SLIT2: variants seen among roughly 807,000 people sequenced by gnomAD.
The protein encoded by SLIT2 is slit guidance ligand 2, also known as slit homolog 2 protein.
A neutral mutation model predicts 185.7 loss-of-function variants in SLIT2; 41 were observed. The observed-to-expected ratio is 0.22, with a 90% CI of 0.17 to 0.29. The LOEUF is 0.29. Ranked by LOEUF, SLIT2 falls within the 10% of genes least tolerant of loss-of-function variation. The pLI is 1.00. For synonymous variants in SLIT2, 693 were observed against 680.2 expected (o/e 1.02, Z -0.29); for missense variants, 1,571 against 1,909.0 (o/e 0.82, Z 3.30).
chr4:20,264,561 T>C (rs1295098523), intron 3 of SLIT2, among the ~76,000 whole-genome samples: 1 of 151,856 alleles, frequency 6.6e-6, no homozygotes, highest in Admixed American at 6.6e-5. Context: ...GACTATGACC[T>C]CTGCTAAAGG....
At chr4:20,536,539 CA>C (rs1722300979) in intron 18 of SLIT2, among the ~76,000 whole-genome samples, 1 of 101,670 alleles carries the variant, frequency 9.8e-6, no homozygotes. Flanking sequence ...GCCTGGGTGA[CA>C]AGAGTGAAAC....
At chr4:20,307,948 A>G (rs1258187618) in intron 4 of SLIT2, among the ~76,000 whole-genome samples, 2 of 152,196 alleles carry the variant, frequency 1.3e-5, no homozygotes. Context: ...TTGGTGCTAC[A>G]CATTGCTTTA....
intron 6 of SLIT2, among the ~76,000 whole-genome samples, chr4:20,483,736 G>A (rs1469907219): frequency 6.6e-6 from 1 of 151,942 alleles, no homozygotes; most frequent in Non-Finnish European, 1.5e-5. Flanking sequence ...GATGTCTTTT[G>A]TATTAGAATA....
At chr4:20,301,343 T>G (rs1314372341) in intron 4 of SLIT2, among the ~76,000 whole-genome samples, 4 of 152,172 alleles carry the variant, frequency 2.6e-5, no homozygotes, top group African/African-American at 9.6e-5. Context: ...TGTCTCTTTT[T>G]TGCAATGCTG....
intron 9 of SLIT2, among the ~76,000 whole-genome samples, chr4:20,494,777 CAA>C (rs529308309): frequency 1.2e-4 from 12 of 98,320 alleles, no homozygotes; most frequent in Admixed American, 3.3e-4. Context: ...GACTCCGTCT[CAA>C]AAAAAAAAAA....
At chr4:20,349,770 A>T (rs1012565004) in intron 4 of SLIT2, among the ~76,000 whole-genome samples, 1 of 152,194 alleles carries the variant, frequency 6.6e-6, no homozygotes, top group Non-Finnish European at 1.5e-5. Context: ...CTATGGGTTC[A>T]GTTCTGATAA....
At chr4:20,448,131 A>G (rs1196152980) in intron 4 of SLIT2, among the ~76,000 whole-genome samples, 4 of 152,174 alleles carry the variant, frequency 2.6e-5, no homozygotes, top group South Asian at 2.1e-4. Context: ...TTTTTGAAAC[A>G]CTTAAGGAAT....
At chr4:20,460,024 C>T (rs190702430) in intron 4 of SLIT2, among the ~76,000 whole-genome samples, 146 of 151,930 alleles carry the variant, frequency 9.6e-4, no homozygotes, top group Non-Finnish European at 1.4e-3. Flanking sequence ...CCACCATGAC[C>T]GGCTAATTTT....
In SLIT2 at chr4:20,295,405, A is replaced by G. The variant is rs184277327; in HGVS notation, c.395+26524A>G. The stretch of plus-strand genomic sequence containing the variant: ...CATTCCTGTGGAAAGATGCTAATTT[A>G]ACTTTAATTTGAACAAAGTCGACTT... On this transcript the variant is annotated intron_variant, in intron 4 of 36. Transcript: ENST00000504154. Among the ~76,000 whole-genome samples the G allele has an allele frequency of 4.7e-3, 712 of 152,344 alleles. 7 individuals are homozygous for G. Among genetic ancestry groups the G allele is most frequent in the African/African-American group, 0.017 (696 of 41,586 alleles).
At chr4:20,379,491 T>C (rs1724316918) in intron 4 of SLIT2, among the ~76,000 whole-genome samples, 1 of 152,168 alleles carries the variant, frequency 6.6e-6, no homozygotes, top group Admixed American at 6.6e-5. Context: ...TAAATATTGA[T>C]ACTGATTTCA....
chr4:20,347,281 C>A (rs1256412143), intron 4 of SLIT2, among the ~76,000 whole-genome samples: 1 of 152,206 alleles, frequency 6.6e-6, no homozygotes, highest in Non-Finnish European at 1.5e-5. Flanking sequence ...TCTATTCAAC[C>A]TTAGAATCCC....
chr4:20,290,526 T>C (rs1423579549), intron 4 of SLIT2, among the ~76,000 whole-genome samples: 3 of 152,138 alleles, frequency 2.0e-5, no homozygotes, highest in African/African-American at 7.2e-5. Context: ...GGAATCCCTA[T>C]TAGCCTAGAG....
chr4:20,385,086 GCTGGACTAAGTAAGTCA>G (rs1421753736), intron 4 of SLIT2, among the ~76,000 whole-genome samples: 2 of 152,084 alleles, frequency 1.3e-5, no homozygotes, highest in Non-Finnish European at 2.9e-5. Context: ...GACTAGATTT[GCTGGACTAAGTAAGTCA>G]CTGTGATATA....
intron 4 of SLIT2, among the ~76,000 whole-genome samples, chr4:20,328,272 A>T (rs565875474): frequency 6.6e-6 from 1 of 152,132 alleles, no homozygotes; most frequent in Non-Finnish European, 1.5e-5. Context: ...TGAATGACAC[A>T]TAGGAATATT....
intron 4 of SLIT2, among the ~76,000 whole-genome samples, chr4:20,331,249 A>C (rs1720043168): frequency 1.3e-5 from 2 of 152,164 alleles, no homozygotes; most frequent in South Asian, 4.1e-4. Flanking sequence ...GCATAGGAAA[A>C]TATTGATGCT....
At chr4:20,601,568 A>G (rs965896001) in intron 33 of SLIT2, among the ~76,000 whole-genome samples, 1 of 152,170 alleles carries the variant, frequency 6.6e-6, no homozygotes, top group African/African-American at 2.4e-5. Flanking sequence ...CTTTACCTTC[A>G]ATTTGCAGTT....
At chr4:20,548,771 T>TG (rs1384899594) in intron 23 of SLIT2, among the ~76,000 whole-genome samples, 1 of 151,896 alleles carries the variant, frequency 6.6e-6, no homozygotes, top group Non-Finnish European at 1.5e-5. Flanking sequence ...TTTGTGTTTG[T>TG]GGGGGGCTTA....
At chr4:20,589,816 T>C (rs1727356417) in intron 30 of SLIT2, 79 bp downstream of exon 30, 4 of 895,302 alleles carry the variant, frequency 4.5e-6, no homozygotes, top group Non-Finnish European at 7.3e-6. Flanking sequence ...TCCTTCATCC[T>C]TAGCTTCACA....
At chr4:20,463,868 T>C (rs1714052573) in intron 4 of SLIT2, among the ~76,000 whole-genome samples, 1 of 147,898 alleles carries the variant, frequency 6.8e-6, no homozygotes, top group Non-Finnish European at 1.5e-5. Flanking sequence ...AGGGCAAGAC[T>C]TTGTCTCAAA....
Sources: gnomAD v4.1 joint callset for allele counts (sites outside exome capture counted in the v4.1 genomes callset) on GRCh38, gnomAD v4.1.1 for gene constraint, MANE v1.5 for transcripts, NCBI Gene and HGNC (gene_info 2026-07-23, HGNC 2026-07-21) for gene names.